The following LSAMP variants were observed in gnomAD, a reference collection of about 807,000 sequenced individuals.
LSAMP encodes the protein limbic system associated membrane protein, also known as limbic system-associated membrane protein.
In LSAMP, 7 loss-of-function variants were observed where a neutral mutation model predicts 38.6. The ratio of observed to expected loss-of-function variants is 0.18; its 90% CI spans 0.10 to 0.34. LSAMP has a LOEUF of 0.34. Ranked by LOEUF, LSAMP falls within the 10% of genes least tolerant of loss-of-function variation. The probability of loss-of-function intolerance (pLI) is 1.00; values close to 1 mark genes in which losing one functional copy is unlikely to be tolerated. For synonymous variants in LSAMP, 154 were observed against 166.8 expected, an observed-to-expected ratio of 0.92 and a Z score of 0.59; for missense variants, 313 against 420.0, an observed-to-expected ratio of 0.75 and a Z score of 2.23.
chr3:115,829,154 G>C (rs1344613537), intron 6 of LSAMP, among the ~76,000 whole-genome samples: 1 of 152,060 alleles, frequency 6.6e-6, no homozygotes, highest in African/African-American at 2.4e-5. Flanking sequence ...TTTTAGCAGG[G>C]GAGAGAACAA....
chr3:116,259,616 A>G (rs750361456), intron 1 of LSAMP, among the ~76,000 whole-genome samples: 1 of 152,214 alleles, frequency 6.6e-6, no homozygotes, highest in African/African-American at 2.4e-5. Context: ...GCATGCAAGT[A>G]GTTTTAACTT....
At chr3:116,165,729 C>T (rs553043476) in intron 1 of LSAMP, among the ~76,000 whole-genome samples, 5 of 152,242 alleles carry the variant, frequency 3.3e-5, no homozygotes, top group Admixed American at 1.3e-4. Context: ...TTTCTCTACC[C>T]CACAGGCCTC....
At position 116,220,880 on chromosome 3, in the gene LSAMP, C is replaced by T. The variant is rs564036101; in HGVS notation, c.156-134324G>A. Among the ~76,000 whole-genome samples, 5 of 152,272 alleles carry T rather than the reference C, an allele frequency of 3.3e-5. No individual in the cohort carries two copies. In the South Asian group the frequency reaches 1.0e-3, roughly 32 times the overall value. On this transcript the variant is annotated intron_variant, in intron 1 of 6. Transcript: ENST00000490035. Reference sequence around the variant, plus strand: ...ACTAAGAAAAGGGGAAGCGGCTGGGCGCAGTGGCTCACGCCTGTAATCCCA... The same window carrying T: ...ACTAAGAAAAGGGGAAGCGGCTGGGTGCAGTGGCTCACGCCTGTAATCCCA...
At chr3:116,231,835 A>G (rs1417662586) in intron 1 of LSAMP, among the ~76,000 whole-genome samples, 1 of 152,230 alleles carries the variant, frequency 6.6e-6, no homozygotes, top group Non-Finnish European at 1.5e-5. Context: ...TATATATCTC[A>G]GTCACCCATC....
intron 3 of LSAMP, among the ~76,000 whole-genome samples, chr3:115,928,860 T>C (rs1327550112): frequency 6.6e-6 from 1 of 152,140 alleles, no homozygotes; most frequent in Non-Finnish European, 1.5e-5. Context: ...TAAGGTATTT[T>C]CATTTGAAAT....
At chr3:115,974,376 AAAG>A (rs1939117535) in intron 3 of LSAMP, among the ~76,000 whole-genome samples, 1 of 152,134 alleles carries the variant, frequency 6.6e-6, no homozygotes, top group Admixed American at 6.5e-5. Flanking sequence ...TAAAAAGAAA[AAAG>A]AAATAAAAAA....
chr3:116,106,321 G>T (rs1316434668), intron 1 of LSAMP, among the ~76,000 whole-genome samples: 1 of 152,148 alleles, frequency 6.6e-6, no homozygotes, highest in Non-Finnish European at 1.5e-5. Context: ...AGTTGAGAAT[G>T]GTGAATAGGA....
chr3:116,167,902 T>C (rs920396061), intron 1 of LSAMP, among the ~76,000 whole-genome samples: 1 of 152,052 alleles, frequency 6.6e-6, no homozygotes, highest in African/African-American at 2.4e-5. Flanking sequence ...GGAGAAGCAC[T>C]GGGCAAGGGG....
chr3:115,895,302 G>C (rs912091210), intron 3 of LSAMP, among the ~76,000 whole-genome samples: 21 of 152,098 alleles, frequency 1.4e-4, no homozygotes, highest in Admixed American at 7.2e-4. Flanking sequence ...GGTATTGTTG[G>C]TCAAAGCTCT....
At chr3:116,066,684 C>T (rs537889954) in intron 2 of LSAMP, among the ~76,000 whole-genome samples, 2 of 152,276 alleles carry the variant, frequency 1.3e-5, no homozygotes, top group South Asian at 4.1e-4. Flanking sequence ...CTCAGTTGAC[C>T]TTAAGAAATT....
intron 6 of LSAMP, among the ~76,000 whole-genome samples, chr3:115,821,570 G>T (rs1281884639): frequency 2.0e-5 from 3 of 152,142 alleles, no homozygotes; most frequent in Non-Finnish European, 4.4e-5. Flanking sequence ...CTATGTGTGT[G>T]ACATAAGTCT....
chr3:115,845,142 G>A (rs1576139744), intron 4 of LSAMP, among the ~76,000 whole-genome samples: 1 of 152,164 alleles, frequency 6.6e-6, no homozygotes, highest in East Asian at 1.9e-4. Context: ...TCTGGGTAAT[G>A]CCATCCACTG....
chr3:115,839,238 TTTCCTTCC>T (rs1211274420), intron 6 of LSAMP, among the ~76,000 whole-genome samples: 1 of 105,558 alleles, frequency 9.5e-6, no homozygotes, highest in African/African-American at 3.1e-5. Flanking sequence ...CCCTTCCTTC[TTTCCTTCC>T]TTCCTTCCTT....
At chr3:115,953,303 C>T (rs1348916400) in intron 3 of LSAMP, among the ~76,000 whole-genome samples, 2 of 151,918 alleles carry the variant, frequency 1.3e-5, no homozygotes, top group Non-Finnish European at 2.9e-5. Context: ...TCTACATATC[C>T]TAGTCATGAA....
At chr3:115,992,784 T>A (rs1033846852) in intron 3 of LSAMP, among the ~76,000 whole-genome samples, 1 of 152,090 alleles carries the variant, frequency 6.6e-6, no homozygotes, top group South Asian at 2.1e-4. Flanking sequence ...TAGAGATGGA[T>A]AATTAAGAAG....
intron 1 of LSAMP, among the ~76,000 whole-genome samples, chr3:116,123,741 T>C (rs1708940772): frequency 6.6e-6 from 1 of 152,226 alleles, no homozygotes; most frequent in Non-Finnish European, 1.5e-5. Context: ...ACACGGTAGA[T>C]ATTAATCAGA....
intron 3 of LSAMP, among the ~76,000 whole-genome samples, chr3:115,978,991 G>T (rs1272501101): frequency 6.6e-6 from 1 of 151,806 alleles, no homozygotes; most frequent in Admixed American, 6.6e-5. Flanking sequence ...TGGTAGAGTG[G>T]GAAACATTGT....
intron 3 of LSAMP, among the ~76,000 whole-genome samples, chr3:115,879,476 A>G (rs1403780450): frequency 1.3e-5 from 2 of 152,174 alleles, no homozygotes; most frequent in African/African-American, 2.4e-5. Context: ...TAGATGTTGT[A>G]TGTATTGGTT....
chr3:116,173,378 A>G (rs1710251605), intron 1 of LSAMP, among the ~76,000 whole-genome samples: 1 of 152,082 alleles, frequency 6.6e-6, no homozygotes, highest in Admixed American at 6.6e-5. Context: ...CAGTTTGCCA[A>G]TTAAATGGCT....
Sources: gnomAD v4.1 joint callset for allele counts (sites outside exome capture counted in the v4.1 genomes callset) on GRCh38, gnomAD v4.1.1 for gene constraint, MANE v1.5 for transcripts, NCBI Gene and HGNC (gene_info 2026-07-23, HGNC 2026-07-21) for gene names.